CDH13: variants seen among roughly 807,000 people sequenced by gnomAD.
The protein encoded by CDH13 is cadherin 13, also known as cadherin-13.
CDH13 carries 24 observed loss-of-function variants against 63.8 expected under a neutral mutation model. That is an observed-to-expected ratio of 0.38 (90% CI 0.27 to 0.53). The LOEUF (loss-of-function observed/expected upper bound fraction) is 0.53, where lower values mean the gene tolerates loss of function less well. Ranked by LOEUF, CDH13 falls within the 20% of genes least tolerant of loss-of-function variation. The probability of loss-of-function intolerance (pLI) is 0.85; values close to 1 mark genes in which losing one functional copy is unlikely to be tolerated. For missense variants in CDH13, 1,049 were observed against 903.1 expected, an observed-to-expected ratio of 1.16 and a Z score of -2.07; for synonymous variants, 503 against 355.3, an observed-to-expected ratio of 1.42 and a Z score of -4.67.
At chr16:82,865,718 T>C (rs2040109479) in intron 2 of CDH13, among the ~76,000 whole-genome samples, 1 of 152,238 alleles carries the variant, frequency 6.6e-6, no homozygotes, top group Non-Finnish European at 1.5e-5. Flanking sequence ...CCACCAGCCC[T>C]GTTACACCAT....
chr16:82,920,288 T>C (rs145229514), intron 2 of CDH13, among the ~76,000 whole-genome samples: 148 of 152,150 alleles, frequency 9.7e-4, no homozygotes, highest in Non-Finnish European at 1.9e-3. Context: ...CCATAAGTTC[T>C]CCCCTCATAA....
At chr16:82,755,269 C>T (rs890311495) in intron 1 of CDH13, among the ~76,000 whole-genome samples, 7 of 152,240 alleles carry the variant, frequency 4.6e-5, no homozygotes, top group Admixed American at 2.0e-4. Context: ...CATTCTGTCC[C>T]AAATGATGGC....
At chr16:83,477,038 G>A (rs1598109220) in intron 6 of CDH13, among the ~76,000 whole-genome samples, 1 of 152,108 alleles carries the variant, frequency 6.6e-6, no homozygotes, top group Admixed American at 6.5e-5. Flanking sequence ...TCATGATGGG[G>A]GACCCCAGTT....
chr16:83,730,689 A>T (rs76289698), intron 10 of CDH13, among the ~76,000 whole-genome samples: 28,133 of 152,040 alleles, frequency 0.19, 2,651 homozygotes, highest in Middle Eastern at 0.22. Flanking sequence ...TTTTAGATTC[A>T]GGGGGTCCAT....
intron 7 of CDH13, among the ~76,000 whole-genome samples, chr16:83,488,520 C>T (rs913114461): frequency 2.6e-5 from 4 of 152,088 alleles, no homozygotes; most frequent in African/African-American, 4.8e-5. Context: ...AAAATGTAAT[C>T]GTTTCTAGTT....
chr16:82,927,079 G>A (rs2042327176), intron 2 of CDH13, among the ~76,000 whole-genome samples: 1 of 152,110 alleles, frequency 6.6e-6, no homozygotes, highest in Admixed American at 6.6e-5. Flanking sequence ...GTGCTTGGTG[G>A]TTGATTCTGG....
chr16:82,727,988 G>A (rs754561877), intron 1 of CDH13, among the ~76,000 whole-genome samples: 16 of 152,192 alleles, frequency 1.1e-4, no homozygotes, highest in East Asian at 3.9e-4. Context: ...TCTTCCCTTC[G>A]TATCTCAGCT....
chr16:83,301,875 G>T (rs2089756306), intron 5 of CDH13, among the ~76,000 whole-genome samples: 1 of 151,924 alleles, frequency 6.6e-6, no homozygotes, highest in Non-Finnish European at 1.5e-5. Flanking sequence ...GGCAGGGAGA[G>T]GGGTGCTCTG....
chr16:83,198,704 T>C (rs535231515), intron 4 of CDH13, among the ~76,000 whole-genome samples: 16 of 152,274 alleles, frequency 1.1e-4, no homozygotes, highest in African/African-American at 3.6e-4. Context: ...AGAAACGGAA[T>C]AAATATATAG....
intron 10 of CDH13, among the ~76,000 whole-genome samples, chr16:83,737,884 C>T (rs557467990): frequency 6.6e-6 from 1 of 152,206 alleles, no homozygotes; most frequent in Non-Finnish European, 1.5e-5. Flanking sequence ...CTGCATGACT[C>T]AGGCAAGCTC....
intron 5 of CDH13, among the ~76,000 whole-genome samples, chr16:83,323,923 C>T (rs1356845560): frequency 1.3e-5 from 2 of 152,186 alleles, no homozygotes; most frequent in Non-Finnish European, 2.9e-5. Flanking sequence ...TTTTAAACAG[C>T]CTTATTAAGA....
At chr16:83,183,427 G>C (rs2038411069) in intron 4 of CDH13, among the ~76,000 whole-genome samples, 1 of 152,204 alleles carries the variant, frequency 6.6e-6, no homozygotes, top group South Asian at 2.1e-4. Context: ...GAACTAGTGA[G>C]TGAGGAAGAT....
intron 3 of CDH13, among the ~76,000 whole-genome samples, chr16:83,043,251 C>T (rs1488548616): frequency 1.3e-5 from 2 of 151,998 alleles, no homozygotes; most frequent in East Asian, 1.9e-4. Flanking sequence ...AAACTATATT[C>T]TGGAGATTAA....
intron 3 of CDH13, among the ~76,000 whole-genome samples, chr16:83,118,686 A>G (rs1056242153): frequency 2.0e-5 from 3 of 152,040 alleles, no homozygotes; most frequent in Admixed American, 6.5e-5. Flanking sequence ...CCACTTTCAC[A>G]TGCAGCTTCT....
At chr16:83,691,648 C>G (rs895741429) in intron 10 of CDH13, among the ~76,000 whole-genome samples, 4 of 152,070 alleles carry the variant, frequency 2.6e-5, no homozygotes, top group Non-Finnish European at 5.9e-5. Context: ...GTGCTGTTAA[C>G]TTGGCAGCCC....
chr16:83,606,438 TA>T (rs1908338167), intron 8 of CDH13, among the ~76,000 whole-genome samples: 1 of 152,098 alleles, frequency 6.6e-6, no homozygotes, highest in Non-Finnish European at 1.5e-5. Context: ...TTCTCTCACT[TA>T]AAAGTTTGGA....
At chr16:83,268,692 A>G (rs1406585886) in intron 5 of CDH13, among the ~76,000 whole-genome samples, 1 of 152,196 alleles carries the variant, frequency 6.6e-6, no homozygotes. Context: ...TTCCTACACA[A>G]AAATGTTGTG....
chr16:83,030,294 C>G (rs1243287674), intron 2 of CDH13, among the ~76,000 whole-genome samples: 3 of 152,202 alleles, frequency 2.0e-5, no homozygotes, highest in Non-Finnish European at 1.5e-5. Flanking sequence ...TCCTGCCCTT[C>G]TTTAAATCAC....
chr16:82,790,694 A>G (rs1300902659), intron 1 of CDH13, among the ~76,000 whole-genome samples: 2 of 152,152 alleles, frequency 1.3e-5, no homozygotes, highest in Non-Finnish European at 2.9e-5. Context: ...AGGCCTCAGG[A>G]AACTTACAAT....
Sources: gnomAD v4.1 joint callset for allele counts (sites outside exome capture counted in the v4.1 genomes callset) on GRCh38, gnomAD v4.1.1 for gene constraint, MANE v1.5 for transcripts, NCBI Gene and HGNC (gene_info 2026-07-23, HGNC 2026-07-21) for gene names.